The following EYS variants were observed in gnomAD, a reference collection of about 807,000 sequenced individuals.
The protein encoded by EYS is EGF-like photoreceptor maintenance factor, also known as protein eyes shut homolog.
EYS carries 250 observed loss-of-function variants against 282.1 expected under a neutral mutation model. The observed-to-expected ratio is 0.89, with a 90% CI of 0.80 to 0.98. EYS has a LOEUF of 0.98. EYS is among the 50% of genes least tolerant of loss of function. The pLI is 0.00. For missense variants in EYS, 4,016 were observed against 3,709.0 expected, an observed-to-expected ratio of 1.08 and a Z score of -2.15; for synonymous variants, 1,355 against 1,282.9, an observed-to-expected ratio of 1.06 and a Z score of -1.20.
intron 26 of EYS, among the ~76,000 whole-genome samples, chr6:64,517,529 A>T (rs1024084079): frequency 6.6e-6 from 1 of 151,850 alleles, no homozygotes; most frequent in Non-Finnish European, 1.5e-5. Flanking sequence ...TTGGTAAAAA[A>T]GATTAAAAAC....
intron 26 of EYS, 75 bp downstream of exon 26, chr6:64,590,148 A>G: frequency 7.6e-7 from 1 of 1,321,906 alleles, no homozygotes; most frequent in Non-Finnish European, 1.0e-6. Flanking sequence ...CCCGGTGACC[A>G]TGACAGGCTC....
intron 28 of EYS, among the ~76,000 whole-genome samples, chr6:64,389,704 T>C (rs887105764): frequency 6.6e-6 from 1 of 152,312 alleles, no homozygotes; most frequent in Admixed American, 6.5e-5. Context: ...AATTTATCTA[T>C]TAACCAAGCA....
intron 12 of EYS, among the ~76,000 whole-genome samples, chr6:65,148,401 A>G (rs1032342046): frequency 1.3e-5 from 2 of 152,096 alleles, no homozygotes; most frequent in African/African-American, 4.8e-5. Flanking sequence ...ATTAAACCTT[A>G]AAGTTCCAAA....
chr6:65,613,929 G>A lies in EYS; in HGVS notation c.-333+25849C>T, dbSNP rs1582519613. Among the ~76,000 whole-genome samples the A allele has an allele frequency of 4.0e-5, 6 of 151,764 alleles. No homozygotes were observed. In the South Asian group the frequency reaches 1.2e-3, roughly 31 times the overall value. On this transcript the variant is annotated intron_variant, in intron 2 of 42. Coordinates refer to ENST00000503581, the MANE Select transcript of EYS (RefSeq NM_001142800.2). ...TATTTATTTAGATTATGAAATAAAA[G>A]AGCCTAAATTAATAAAGTTGGAAAC... is the stretch of plus-strand genomic sequence containing the variant.
At chr6:64,902,578 A>G in intron 16 of EYS, 78 bp from the exon 17 acceptor site, 1 of 775,054 alleles carries the variant, frequency 1.3e-6, no homozygotes. Flanking sequence ...GGTAGTCTAA[A>G]GAATACACTC....
At chr6:64,394,869 T>C (rs1355394272) in intron 28 of EYS, among the ~76,000 whole-genome samples, 11 of 152,162 alleles carry the variant, frequency 7.2e-5, no homozygotes, top group Admixed American at 6.5e-4. Context: ...AGAAAATTTT[T>C]GCAACCTACT....
chr6:64,236,974 C>T (rs538991887), intron 30 of EYS, among the ~76,000 whole-genome samples: 1 of 151,804 alleles, frequency 6.6e-6, no homozygotes, highest in South Asian at 2.1e-4. Flanking sequence ...CTTCTATCCC[C>T]CAGATCCTGG....
intron 22 of EYS, among the ~76,000 whole-genome samples, chr6:64,743,056 C>A (rs1339307636): frequency 1.3e-5 from 2 of 152,048 alleles, no homozygotes; most frequent in African/African-American, 4.8e-5. Context: ...ACAGAGTAGA[C>A]ATCTAAAAAT....
At chr6:65,490,514 A>C in intron 5 of EYS, 80 bp downstream of exon 5, 1 of 812,268 alleles carries the variant, frequency 1.2e-6, no homozygotes. Flanking sequence ...AATAAAGGAA[A>C]TATTTCACAT....
intron 19 of EYS, among the ~76,000 whole-genome samples, chr6:64,859,918 T>C (rs1384770814): frequency 6.6e-6 from 1 of 152,220 alleles, no homozygotes; most frequent in Non-Finnish European, 1.5e-5. Flanking sequence ...TTGATTAGTC[T>C]TAGCATGGTA....
chr6:65,657,348 T>C (rs1005708917), intron 1 of EYS, among the ~76,000 whole-genome samples: 1 of 151,814 alleles, frequency 6.6e-6, no homozygotes, highest in African/African-American at 2.4e-5. Context: ...CTCTGAGGGA[T>C]CTTCCGGAAA....
chr6:64,242,476 G>A lies in EYS; in HGVS notation c.6192-11652C>T, dbSNP rs141757108. Among the ~76,000 whole-genome samples the A allele has an allele frequency of 3.0e-3, 449 of 151,932 alleles. 4 individuals are homozygous for A. The highest frequency in any genetic ancestry group is 0.01 in the African/African-American group (421 of 41,452). On this transcript the variant is annotated intron_variant, in intron 30 of 42. Transcript: ENST00000503581. Reference sequence around the variant, plus strand: ...TGTTGTTGTAAAATACCCTCTACATGTTTCAACAGTTTTATGTTCATATTT... The same window carrying A: ...TGTTGTTGTAAAATACCCTCTACATATTTCAACAGTTTTATGTTCATATTT...
At chr6:63,909,771 C>A (rs1773869186) in intron 35 of EYS, among the ~76,000 whole-genome samples, 1 of 152,124 alleles carries the variant, frequency 6.6e-6, no homozygotes, top group Non-Finnish European at 1.5e-5. Context: ...GTCTGAGCCA[C>A]CCCCAGAAAT....
At chr6:64,961,515 G>A (rs866334753) in intron 14 of EYS, among the ~76,000 whole-genome samples, 4 of 151,322 alleles carry the variant, frequency 2.6e-5, no homozygotes, top group African/African-American at 9.7e-5. Context: ...GTATATACAT[G>A]CATATCTGTG....
chr6:65,372,461 T>C (rs2150342831), intron 8 of EYS, among the ~76,000 whole-genome samples: 1 of 152,238 alleles, frequency 6.6e-6, no homozygotes, highest in African/African-American at 2.4e-5. Flanking sequence ...GCATAGTACC[T>C]GTATTTTACA....
rs185869019 is a variant in EYS, at chr6:65,286,894, G to A, written c.2023+8969C>T. 4.9e-4 allele frequency among the ~76,000 whole-genome samples: 74 copies of A among 151,670 alleles called. 1 individual carries two copies. Among genetic ancestry groups the A allele is most frequent in the Admixed American group, 4.6e-3 (70 of 15,170 alleles). On this transcript the variant is annotated intron_variant, in intron 12 of 42. Transcript: ENST00000503581. ...GTATTTGTTCATTTGTATGGGTGCTGTATTGTTGATTGATTTCTTAATGGG... is the reference window on the plus strand; with the variant it reads ...GTATTTGTTCATTTGTATGGGTGCTATATTGTTGATTGATTTCTTAATGGG...
intron 29 of EYS, among the ~76,000 whole-genome samples, chr6:64,374,651 T>C (rs1225032102): frequency 6.6e-6 from 1 of 152,184 alleles, no homozygotes; most frequent in African/African-American, 2.4e-5. Flanking sequence ...TGATCAGCCT[T>C]ACAGGGCCAC....
At chr6:64,974,925 TA>T (rs1193486558) in intron 14 of EYS, among the ~76,000 whole-genome samples, 2 of 151,970 alleles carry the variant, frequency 1.3e-5, no homozygotes. Flanking sequence ...TTGTAAAACT[TA>T]TTCTGAGTCT....
chr6:63,918,148 AAT>A (rs1180584574), intron 35 of EYS, among the ~76,000 whole-genome samples: 3 of 152,196 alleles, frequency 2.0e-5, no homozygotes, highest in Admixed American at 2.0e-4. Context: ...TTGCATAAAT[AAT>A]ACTCCTGATG....
Sources: allele counts gnomAD v4.1 joint callset (sites outside exome capture counted in the v4.1 genomes callset), GRCh38; gene constraint gnomAD v4.1.1; transcripts MANE v1.5; gene names NCBI Gene and HGNC (gene_info 2026-07-23, HGNC 2026-07-21).